The following CAMKMT variants were observed in gnomAD, a reference collection of about 807,000 sequenced individuals.
CAMKMT encodes the protein calmodulin-lysine N-methyltransferase.
In CAMKMT, 53 loss-of-function variants were observed where a neutral mutation model predicts 48.0. That is an observed-to-expected ratio of 1.10 (90% CI 0.89 to 1.39). The LOEUF (loss-of-function observed/expected upper bound fraction) is 1.39, where lower values mean the gene tolerates loss of function less well. Among genes scored for constraint, CAMKMT ranks in the 40% most tolerant of loss-of-function variants. The pLI, the probability that CAMKMT is intolerant of heterozygous loss-of-function variation, is 0.00. For synonymous variants in CAMKMT, 165 were observed against 152.3 expected, an observed-to-expected ratio of 1.08 and a Z score of -0.61; for missense variants, 428 against 402.7, an observed-to-expected ratio of 1.06 and a Z score of -0.54.
chr2:44,524,064 A>G (rs1671274225), intron 3 of CAMKMT, among the ~76,000 whole-genome samples: 1 of 152,176 alleles, frequency 6.6e-6, no homozygotes. Flanking sequence ...GGCGTGAGCC[A>G]CCGTGTCGAA....
chr2:44,485,508 G>A (rs922657238), intron 3 of CAMKMT, among the ~76,000 whole-genome samples: 2 of 152,096 alleles, frequency 1.3e-5, no homozygotes, highest in Non-Finnish European at 2.9e-5. Context: ...TGTGTCCTTA[G>A]GCAATTTTGT....
At chr2:44,631,253 G>C (rs558240703) in intron 3 of CAMKMT, among the ~76,000 whole-genome samples, 3 of 152,112 alleles carry the variant, frequency 2.0e-5, no homozygotes, top group Non-Finnish European at 4.4e-5. Context: ...GTTGTTGGGT[G>C]GGGGTAAGGG....
Position 44,523,770 on chromosome 2 carries a change from ATTTTTTTT to A in CAMKMT, c.376+133483_376+133490del, listed in dbSNP as rs70937920. On this transcript the variant is annotated intron_variant, in intron 3 of 10. Transcript: ENST00000378494. ...AGAGAAGAGCCTCCAGAGAGCGAGC[ATTTTTTTT>A]TTTTTTTTTTTTTTTTTGAGATGGA... Among the ~76,000 whole-genome samples the A allele has an allele frequency of 3.3e-5, 3 of 89,880 alleles. No homozygotes were observed. The East Asian group carries it at 9.3e-4, about 28-fold the overall frequency. The allele number at this position is 89,880 out of a possible 152,430, so 59.0% of individuals were successfully genotyped here.
At chr2:44,505,856 T>TTATC (rs1394779552) in intron 3 of CAMKMT, among the ~76,000 whole-genome samples, 1 of 17,670 alleles carries the variant, frequency 5.7e-5, no homozygotes, top group Non-Finnish European at 1.4e-4. Context: ...ATTTATTTAT[T>TTATC]TATTTATTTA....
intron 3 of CAMKMT, among the ~76,000 whole-genome samples, chr2:44,644,724 T>G (rs1464495798): frequency 6.6e-6 from 1 of 152,230 alleles, no homozygotes; most frequent in African/African-American, 2.4e-5. Context: ...GGTGTCATTT[T>G]TTATAATTAG....
chr2:44,701,259 G>T (rs984523689), intron 3 of CAMKMT, among the ~76,000 whole-genome samples: 1 of 152,166 alleles, frequency 6.6e-6, no homozygotes, highest in East Asian at 1.9e-4. Context: ...GTGCATCAGG[G>T]TTCCAATTTC....
At chr2:44,728,459 C>T (rs563707405) in intron 7 of CAMKMT, among the ~76,000 whole-genome samples, 1 of 152,244 alleles carries the variant, frequency 6.6e-6, no homozygotes, top group East Asian at 1.9e-4. Context: ...GGAGCCCCTC[C>T]TCCTCAATTT....
chr2:44,710,999 T>A (rs959652800), intron 6 of CAMKMT, among the ~76,000 whole-genome samples: 37 of 152,170 alleles, frequency 2.4e-4, no homozygotes, highest in African/African-American at 8.7e-4. Flanking sequence ...AATGGGTAAA[T>A]CCCCTGTGCT....
chr2:44,689,018 T>TAAG (rs753654445), intron 3 of CAMKMT, among the ~76,000 whole-genome samples: 8 of 152,184 alleles, frequency 5.3e-5, no homozygotes, highest in Non-Finnish European at 1.2e-4. Flanking sequence ...GCAAATGAGA[T>TAAG]AAAGCTGGAC....
chr2:44,694,963 A>G, intron 3 of CAMKMT, among the ~76,000 whole-genome samples: 1 of 152,238 alleles, frequency 6.6e-6, no homozygotes, highest in Non-Finnish European at 1.5e-5. Context: ...AGAATAGGAA[A>G]TGATATGCTT....
chr2:44,595,799 C>G (rs1670616107), intron 3 of CAMKMT, among the ~76,000 whole-genome samples: 1 of 152,126 alleles, frequency 6.6e-6, no homozygotes, highest in African/African-American at 2.4e-5. Context: ...GAATAGTATG[C>G]AGCTGTAAAA....
intron 3 of CAMKMT, chr2:44,395,001 A>G: frequency 4.5e-6 from 2 of 447,260 alleles, no homozygotes; most frequent in Admixed American, 2.5e-5. Flanking sequence ...TGTAAAAAAA[A>G]GACAATCAAA....
intron 8 of CAMKMT, 74 bp from the exon 9 acceptor site, chr2:44,753,981 G>T (rs999827929): frequency 4.6e-5 from 48 of 1,043,240 alleles, no homozygotes; most frequent in South Asian, 7.9e-5. Flanking sequence ...AATTAGCCTT[G>T]TACTTATCTC....
At chr2:44,422,734 G>T (rs1684015761) in intron 3 of CAMKMT, among the ~76,000 whole-genome samples, 1 of 151,514 alleles carries the variant, frequency 6.6e-6, no homozygotes. Context: ...TCAACAGCCA[G>T]ATGGAGCATA....
At chr2:44,499,967 A>G (rs1227092863) in intron 3 of CAMKMT, among the ~76,000 whole-genome samples, 1 of 152,166 alleles carries the variant, frequency 6.6e-6, no homozygotes, top group African/African-American at 2.4e-5. Flanking sequence ...AGAATACTTG[A>G]GTTGGATTTC....
chr2:44,422,469 C>T (rs889138189), intron 3 of CAMKMT, among the ~76,000 whole-genome samples: 2 of 151,906 alleles, frequency 1.3e-5, no homozygotes, highest in Non-Finnish European at 2.9e-5. Flanking sequence ...CAGAGGGACC[C>T]AGCCAGGAAC....
intron 3 of CAMKMT, among the ~76,000 whole-genome samples, chr2:44,399,079 T>TA (rs746225007): frequency 6.6e-6 from 1 of 152,176 alleles, no homozygotes; most frequent in Non-Finnish European, 1.5e-5. Context: ...TAATTATAGA[T>TA]ACGTCACATG....
chr2:44,759,516 A>G (rs1479004202), intron 9 of CAMKMT, among the ~76,000 whole-genome samples: 1 of 151,920 alleles, frequency 6.6e-6, no homozygotes, highest in African/African-American at 2.4e-5. Flanking sequence ...TGCTTGTTTC[A>G]GGGAAATTGC....
intron 2 of CAMKMT, among the ~76,000 whole-genome samples, chr2:44,373,608 T>G (rs1443114458): frequency 6.6e-6 from 1 of 152,162 alleles, no homozygotes; most frequent in African/African-American, 2.4e-5. Context: ...AAAAAACATT[T>G]TAAGTGTAAA....
Sources: allele counts gnomAD v4.1 joint callset (sites outside exome capture counted in the v4.1 genomes callset), GRCh38; gene constraint gnomAD v4.1.1; transcripts MANE v1.5; gene names NCBI Gene and HGNC (gene_info 2026-07-23, HGNC 2026-07-21).